Variants in PLD5 observed in about 807,000 individuals in gnomAD.
The protein encoded by PLD5 is inactive phospholipase D5.
In PLD5, 36 loss-of-function variants were observed where a neutral mutation model predicts 61.1. That is an observed-to-expected ratio of 0.59 (90% CI 0.45 to 0.78). The LOEUF is 0.78. Ranked by LOEUF, PLD5 falls within the 30% of genes least tolerant of loss-of-function variation. The pLI, the probability that PLD5 is intolerant of heterozygous loss-of-function variation, is 0.00. For missense variants in PLD5, 515 were observed against 644.4 expected, an observed-to-expected ratio of 0.80 and a Z score of 2.17; for synonymous variants, 243 against 242.8, an observed-to-expected ratio of 1.00 and a Z score of -0.01.
intron 5 of PLD5, among the ~76,000 whole-genome samples, chr1:242,219,592 G>T (rs1008116152): frequency 1.3e-5 from 2 of 152,140 alleles, no homozygotes; most frequent in African/African-American, 4.8e-5. Flanking sequence ...TTCATCTTGA[G>T]ATTAAAGAAA....
intron 6 of PLD5, 148 bp downstream of exon 6, chr1:242,124,320 G>A (rs1558245669): frequency 1.5e-6 from 1 of 656,502 alleles, no homozygotes; most frequent in Admixed American, 2.9e-5. Flanking sequence ...TGCGTGTAAG[G>A]GTGGACGCAT....
chr1:242,094,923 T>C (rs1660103063), intron 9 of PLD5, among the ~76,000 whole-genome samples: 1 of 152,054 alleles, frequency 6.6e-6, no homozygotes, highest in African/African-American at 2.4e-5. Flanking sequence ...CTCTAAAATA[T>C]ATATTTATTA....
chr1:242,192,706 T>C (rs1342998015), intron 5 of PLD5, among the ~76,000 whole-genome samples: 1 of 152,104 alleles, frequency 6.6e-6, no homozygotes, highest in Non-Finnish European at 1.5e-5. Context: ...AAAACATGAT[T>C]AGGTGGGTTT....
intron 5 of PLD5, among the ~76,000 whole-genome samples, chr1:242,189,530 T>C (rs1017180312): frequency 2.0e-5 from 3 of 151,958 alleles, no homozygotes; most frequent in African/African-American, 7.3e-5. Flanking sequence ...CAAGTATTTA[T>C]TGAGAATCTT....
chr1:242,439,338 T>C (rs1444270164), intron 1 of PLD5, among the ~76,000 whole-genome samples: 7 of 152,200 alleles, frequency 4.6e-5, no homozygotes. Flanking sequence ...CCAAGTAACC[T>C]TGGCCATTCA....
chr1:242,166,552 T>G (rs1350312441), intron 5 of PLD5, among the ~76,000 whole-genome samples: 3 of 152,194 alleles, frequency 2.0e-5, no homozygotes, highest in African/African-American at 7.2e-5. Flanking sequence ...ATCATTCGAC[T>G]CCGAAACCCG....
chr1:242,403,612 C>T (rs932502991), intron 1 of PLD5, among the ~76,000 whole-genome samples: 4 of 151,990 alleles, frequency 2.6e-5, no homozygotes, highest in African/African-American at 9.7e-5. Context: ...TTACAGGCAT[C>T]CATCACCAGG....
At chr1:242,293,292 A>G (rs1329383399) in intron 2 of PLD5, among the ~76,000 whole-genome samples, 1 of 152,148 alleles carries the variant, frequency 6.6e-6, no homozygotes, top group African/African-American at 2.4e-5. Flanking sequence ...GCCAAGGAAG[A>G]CCGAGTTTAT....
At chr1:242,108,359 C>A (rs67056448) in intron 7 of PLD5, among the ~76,000 whole-genome samples, 46,444 of 151,990 alleles carry the variant, frequency 0.31, 7,252 homozygotes, top group Middle Eastern at 0.35. Flanking sequence ...GTCTCCCCTG[C>A]CTTCCACGTT....
chr1:242,311,229 C>T (rs1006680666), intron 2 of PLD5, among the ~76,000 whole-genome samples: 6 of 152,106 alleles, frequency 3.9e-5, no homozygotes, highest in Non-Finnish European at 5.9e-5. Flanking sequence ...GTTCAGTTTT[C>T]TGAATTTTCA....
intron 1 of PLD5, among the ~76,000 whole-genome samples, chr1:242,449,858 G>A (rs1417411003): frequency 4.6e-5 from 7 of 152,156 alleles, no homozygotes; most frequent in East Asian, 3.9e-4. Context: ...AGCGAAGAGG[G>A]GCAATGCTGA....
At chr1:242,391,639 A>G (rs899858185) in intron 1 of PLD5, among the ~76,000 whole-genome samples, 2 of 152,214 alleles carry the variant, frequency 1.3e-5, no homozygotes, top group South Asian at 2.1e-4. Context: ...CCGAGTACCC[A>G]TTCTGTATTT....
chr1:242,464,567 T>C (rs534023548), intron 1 of PLD5, among the ~76,000 whole-genome samples: 1 of 152,330 alleles, frequency 6.6e-6, no homozygotes, highest in South Asian at 2.1e-4. Context: ...GGTGAGACTA[T>C]AAAATAGTAC....
chr1:242,240,964 C>G (rs1037541108), intron 4 of PLD5, among the ~76,000 whole-genome samples: 3 of 152,138 alleles, frequency 2.0e-5, no homozygotes, highest in Middle Eastern at 3.4e-3. Context: ...GTAACTACAA[C>G]AAGGTAAATG....
intron 5 of PLD5, among the ~76,000 whole-genome samples, chr1:242,178,906 G>T (rs79030668): frequency 0.025 from 3,766 of 152,262 alleles, 174 homozygotes; most frequent in African/African-American, 0.086. Flanking sequence ...AAAACAATTT[G>T]AAGCTAATTA....
intron 5 of PLD5, among the ~76,000 whole-genome samples, chr1:242,179,408 G>A (rs1159386654): frequency 6.6e-6 from 1 of 152,136 alleles, no homozygotes; most frequent in South Asian, 2.1e-4. Context: ...CAATGTCAGT[G>A]ATTAAAGACT....
chr1:242,320,397 A>C (rs1301425159), intron 2 of PLD5, among the ~76,000 whole-genome samples: 1 of 152,220 alleles, frequency 6.6e-6, no homozygotes, highest in Non-Finnish European at 1.5e-5. Context: ...AAAGTGGTGG[A>C]GGCAGCCCGG....
intron 9 of PLD5, among the ~76,000 whole-genome samples, chr1:242,091,820 T>C (rs555139550): frequency 1.8e-3 from 196 of 106,974 alleles, no homozygotes; most frequent in African/African-American, 8.2e-3. Flanking sequence ...TTTTCTTTTC[T>C]TTTCTTTTTT....
intron 8 of PLD5, among the ~76,000 whole-genome samples, chr1:242,104,974 T>C (rs760840082): frequency 1.3e-5 from 2 of 152,236 alleles, no homozygotes; most frequent in Non-Finnish European, 2.9e-5. Flanking sequence ...GAAGTGGTTC[T>C]GTCATAACAG....
Sources: allele counts gnomAD v4.1 joint callset (sites outside exome capture counted in the v4.1 genomes callset), GRCh38; gene constraint gnomAD v4.1.1; transcripts MANE v1.5; gene names NCBI Gene and HGNC (gene_info 2026-07-23, HGNC 2026-07-21).